Variants in NRXN3 observed in about 807,000 individuals in gnomAD.
The protein encoded by NRXN3 is neurexin III.
A neutral mutation model predicts 137.6 loss-of-function variants in NRXN3; 32 were observed. That is an observed-to-expected ratio of 0.23 (90% CI 0.18 to 0.31). The LOEUF (loss-of-function observed/expected upper bound fraction) is 0.31. NRXN3 is among the 10% of genes least tolerant of loss of function. The pLI is 1.00. For synonymous variants in NRXN3, 798 were observed against 784.5 expected (o/e 1.02, Z -0.29); for missense variants, 1,574 against 2,062.5 (o/e 0.76, Z 4.59).
At chr14:78,415,816 T>A (rs1228081735) in intron 4 of NRXN3, among the ~76,000 whole-genome samples, 1 of 152,108 alleles carries the variant, frequency 6.6e-6, no homozygotes, top group African/African-American at 2.4e-5. Flanking sequence ...ATGAGATCTC[T>A]GCATGCATGC....
chr14:78,499,384 A>G (rs1039678037), intron 4 of NRXN3, among the ~76,000 whole-genome samples: 2 of 152,166 alleles, frequency 1.3e-5, no homozygotes, highest in Non-Finnish European at 2.9e-5. Flanking sequence ...TTTTGTGCAA[A>G]GAACAATCTT....
At chr14:78,588,250 A>T (rs1347951026) in intron 4 of NRXN3, among the ~76,000 whole-genome samples, 1 of 152,156 alleles carries the variant, frequency 6.6e-6, no homozygotes, top group African/African-American at 2.4e-5. Context: ...TTTGTAGCAT[A>T]CTCACCACTC....
intron 4 of NRXN3, among the ~76,000 whole-genome samples, chr14:78,611,950 A>T (rs145348027): frequency 6.6e-6 from 1 of 152,342 alleles, no homozygotes; most frequent in East Asian, 1.9e-4. Flanking sequence ...TAAACCCAAG[A>T]CGTCTATCTG....
chr14:79,577,328 T>C (rs1444743277), intron 16 of NRXN3, among the ~76,000 whole-genome samples: 3 of 152,216 alleles, frequency 2.0e-5, no homozygotes, highest in African/African-American at 7.2e-5. Context: ...TACTGTCAGC[T>C]CTTAACAATC....
chr14:79,690,509 C>T (rs1284801042), intron 17 of NRXN3, among the ~76,000 whole-genome samples: 1 of 152,052 alleles, frequency 6.6e-6, no homozygotes, highest in African/African-American at 2.4e-5. Flanking sequence ...TTTTATTTTT[C>T]AATACATTAA....
intron 4 of NRXN3, among the ~76,000 whole-genome samples, chr14:78,590,479 G>A (rs2097106876): frequency 6.6e-6 from 1 of 152,168 alleles, no homozygotes; most frequent in Admixed American, 6.5e-5. Context: ...AGCAGTGGAG[G>A]CTTGGGGTCA....
In NRXN3 at chr14:79,422,504, A is replaced by C. The variant is rs529327946; in HGVS notation, c.3263-44717A>C. Among the ~76,000 whole-genome samples the C allele has an allele frequency of 2.0e-3, 312 of 152,266 alleles. 4 individuals are homozygous for C. Among genetic ancestry groups the C allele is most frequent in the Middle Eastern group, 0.017 (5 of 294 alleles). On this transcript the variant is annotated intron_variant, in intron 15 of 20. Transcript: ENST00000335750. The stretch of plus-strand genomic sequence containing the variant: ...ATCTTCCCTCAGCAGTTAGAAGGCC[A>C]AAGATAATTTAAATGGGATTGAGGG...
intron 4 of NRXN3, among the ~76,000 whole-genome samples, chr14:78,588,625 A>G (rs1032495392): frequency 6.6e-6 from 1 of 152,226 alleles, no homozygotes; most frequent in Non-Finnish European, 1.5e-5. Flanking sequence ...TCAGTACGAT[A>G]ATACTCGCTT....
At chr14:79,853,152 T>C (rs1337021009) in intron 20 of NRXN3, among the ~76,000 whole-genome samples, 1 of 152,154 alleles carries the variant, frequency 6.6e-6, no homozygotes. Context: ...AGCAACCCAG[T>C]GCGTGGGCCC....
At chr14:79,277,010 C>A (rs1163773858) in intron 15 of NRXN3, among the ~76,000 whole-genome samples, 1 of 152,088 alleles carries the variant, frequency 6.6e-6, no homozygotes. Context: ...AAACTATGAA[C>A]AAGTATACAG....
At chr14:78,806,499 T>G (rs2098870684) in intron 9 of NRXN3, among the ~76,000 whole-genome samples, 1 of 152,234 alleles carries the variant, frequency 6.6e-6, no homozygotes, top group South Asian at 2.1e-4. Context: ...TCCCTCACTC[T>G]ATTCAAGTTG....
intron 8 of NRXN3, among the ~76,000 whole-genome samples, chr14:78,785,102 A>G (rs1265442170): frequency 6.6e-6 from 1 of 152,226 alleles, no homozygotes; most frequent in Non-Finnish European, 1.5e-5. Flanking sequence ...AGAAAAAGAT[A>G]AAATGAACAG....
At chr14:78,587,039 T>G (rs2097071078) in intron 4 of NRXN3, among the ~76,000 whole-genome samples, 2 of 152,126 alleles carry the variant, frequency 1.3e-5, no homozygotes, top group Non-Finnish European at 2.9e-5. Context: ...AGAGGGGAGT[T>G]AGATTTACTG....
chr14:79,194,504 G>A (rs1250432170), intron 15 of NRXN3, among the ~76,000 whole-genome samples: 1 of 152,200 alleles, frequency 6.6e-6, no homozygotes, highest in Non-Finnish European at 1.5e-5. Context: ...GGGTATGTTT[G>A]TCTGTATAGT....
rs116436436 is a variant in NRXN3 at position 79,020,271 on chromosome 14, T to C, written c.3262+32130T>C. Among the ~76,000 whole-genome samples the C allele has an allele frequency of 4.8e-3, 465 of 97,454 alleles. 17 individuals are homozygous for C. The highest frequency in any genetic ancestry group is 0.023 in the African/African-American group (437 of 19,188). 63.9% of individuals were successfully genotyped at this position (97,454 alleles called of 152,430 possible). Reference sequence around the variant, plus strand: ...CCCCTCCCCTCCCCTCCCCTCCCCTTCCCTTCCCTTCTAGATGGATTTCCG... The same window carrying C: ...CCCCTCCCCTCCCCTCCCCTCCCCTCCCCTTCCCTTCTAGATGGATTTCCG... On this transcript the variant is annotated intron_variant, in intron 15 of 20. Transcript: ENST00000335750.
chr14:78,589,098 T>G (rs1269800136), intron 4 of NRXN3, among the ~76,000 whole-genome samples: 1 of 152,182 alleles, frequency 6.6e-6, no homozygotes, highest in African/African-American at 2.4e-5. Context: ...GCTTGGCGCC[T>G]GCAGGTTCCT....
intron 10 of NRXN3, among the ~76,000 whole-genome samples, chr14:78,826,774 T>G (rs1163245282): frequency 3.3e-5 from 5 of 152,206 alleles, no homozygotes; most frequent in African/African-American, 1.2e-4. Context: ...AATACTACTG[T>G]TTTAAAATTC....
chr14:78,244,956 G>A (rs1029619669), intron 2 of NRXN3, among the ~76,000 whole-genome samples: 4 of 152,224 alleles, frequency 2.6e-5, no homozygotes, highest in African/African-American at 9.6e-5. Context: ...AGATCTAAGA[G>A]AGGTGGCTCA....
chr14:79,113,408 C>T (rs1301519429), intron 15 of NRXN3, among the ~76,000 whole-genome samples: 1 of 152,154 alleles, frequency 6.6e-6, no homozygotes, highest in African/African-American at 2.4e-5. Flanking sequence ...AGCACTCCTC[C>T]ATCAATTACC....
Sources: allele counts gnomAD v4.1 joint callset (sites outside exome capture counted in the v4.1 genomes callset), GRCh38; gene constraint gnomAD v4.1.1; transcripts MANE v1.5; gene names NCBI Gene and HGNC (gene_info 2026-07-23, HGNC 2026-07-21).